TIPARP: variants seen among roughly 807,000 people sequenced by gnomAD.
TIPARP encodes TCDD inducible poly(ADP-ribose) polymerase.
In TIPARP, 12 loss-of-function variants were observed where a neutral mutation model predicts 56.5. The ratio of observed to expected loss-of-function variants is 0.21; its 90% CI spans 0.14 to 0.34. The LOEUF (loss-of-function observed/expected upper bound fraction) is 0.34. TIPARP is among the 10% of genes least tolerant of loss of function. TIPARP has a pLI of 1.00. For synonymous variants in TIPARP, 296 were observed against 265.7 expected (o/e 1.11, Z -1.11); for missense variants, 604 against 781.6 (o/e 0.77, Z 2.71).
intron 1 of TIPARP, among the ~76,000 whole-genome samples, chr3:156,676,478 C>A (rs938884089): frequency 6.6e-6 from 1 of 152,156 alleles, no homozygotes; most frequent in African/African-American, 2.4e-5. Context: ...AAGAACTAAG[C>A]ATTTAATATG....
chr3:156,679,860 A>G (rs1161708739), intron 2 of TIPARP, among the ~76,000 whole-genome samples: 1 of 152,198 alleles, frequency 6.6e-6, no homozygotes, highest in Non-Finnish European at 1.5e-5. Context: ...GGTAGTCTTC[A>G]TGTCAACCTT....
At chr3:156,682,917 T>G (rs1260992676) in intron 2 of TIPARP, among the ~76,000 whole-genome samples, 1 of 152,358 alleles carries the variant, frequency 6.6e-6, no homozygotes, top group East Asian at 1.9e-4. Context: ...AATTATTTTT[T>G]GTACTTCTTT....
intron 2 of TIPARP, among the ~76,000 whole-genome samples, chr3:156,686,850 T>C (rs867857220): frequency 1.3e-5 from 2 of 152,168 alleles, no homozygotes; most frequent in African/African-American, 4.8e-5. Context: ...CATTTACATA[T>C]AGTATTATAT....
chr3:156,679,034 A>T (rs1248360294), intron 2 of TIPARP, among the ~76,000 whole-genome samples: 4 of 152,186 alleles, frequency 2.6e-5, no homozygotes, highest in Admixed American at 6.5e-5. Flanking sequence ...GAAAAATAGT[A>T]TTGTCGAGAG....
rs201159091 is a variant in TIPARP at position 156,695,898 on chromosome 3, C to T, written c.1120C>T (p.Arg374Trp). The T allele has an allele frequency of 7.6e-6, 12 of 1,582,176 alleles. No individual in the cohort carries two copies. The highest frequency in any genetic ancestry group is 5.3e-5 in the Admixed American group (3 of 56,582). ...VIRLIEEANS[R>W]GLKEVRFMMW... ...TCGATTGATTGAAGAAGCCAACTCT[C>T]GGGGTCTGAAAGAGGTTCGATTTAT... Residue 374 changes from arginine (R) to tryptophan (W), a missense_variant, in exon 4 of 6, where the codon CGG (arginine) becomes TGG (tryptophan). This residue lies in a region of TIPARP where 252 missense variants were observed against 303.9 expected (regional missense o/e 0.83). Transcript: ENST00000295924.
At chr3:156,700,645 TCAGTG>T (rs1722824592) in intron 4 of TIPARP, among the ~76,000 whole-genome samples, 1 of 152,214 alleles carries the variant, frequency 6.6e-6, no homozygotes, top group Non-Finnish European at 1.5e-5. Flanking sequence ...GTTTGGTGGT[TCAGTG>T]CTTTCAGCTG....
At chr3:156,690,176 CA>C (rs1218219852) in intron 2 of TIPARP, among the ~76,000 whole-genome samples, 5 of 152,072 alleles carry the variant, frequency 3.3e-5, no homozygotes, top group African/African-American at 9.7e-5. Flanking sequence ...TGTATAAACC[CA>C]AGAGCTATTT....
At chr3:156,696,152 T>C (rs949968302) in intron 4 of TIPARP, 127 bp downstream of exon 4, 14 of 979,072 alleles carry the variant, frequency 1.4e-5, no homozygotes, top group South Asian at 6.9e-5. Flanking sequence ...AATTCCAAAT[T>C]AGTCTTTGGA....
intron 2 of TIPARP, among the ~76,000 whole-genome samples, chr3:156,691,597 T>A (rs891398773): frequency 1.1e-4 from 16 of 152,146 alleles, no homozygotes; most frequent in African/African-American, 3.6e-4. Flanking sequence ...TAAAGAAGAA[T>A]GTGGTGGCTG....
chr3:156,678,681 C>G, intron 2 of TIPARP, 67 bp downstream of exon 2: 1 of 1,422,522 alleles, frequency 7.0e-7, no homozygotes, highest in Non-Finnish European at 9.5e-7. Context: ...AAGCTAAAAG[C>G]TTAGTAGGGT....
chr3:156,706,552 A>G lies in TIPARP; in HGVS notation c.*1421A>G, dbSNP rs939960019. On this transcript the variant is annotated 3_prime_UTR_variant, in exon 6 of 6. Coordinates refer to ENST00000295924, the MANE Select transcript of TIPARP (RefSeq NM_015508.5). ...AATCCTGTTGTTTGCTGCCATTGGC[A>G]TGAAATGGCCAACTGTGGCTGTTAC... The G allele has an allele frequency of 6.6e-6, 1 of 152,644 alleles. No individual in the cohort carries two copies. The highest frequency in any genetic ancestry group is 6.5e-5 in the Admixed American group (1 of 15,280). 9.5% of individuals were successfully genotyped at this position (152,644 alleles called of 1,614,324 possible). A position where few individuals can be genotyped will look rare whatever the true frequency, so the allele number is the denominator to read the frequency against.
chr3:156,692,691 T>C (rs749891661), intron 2 of TIPARP, among the ~76,000 whole-genome samples: 1 of 152,160 alleles, frequency 6.6e-6, no homozygotes. Context: ...ATTCATAAAT[T>C]GTGAACATTG....
chr3:156,698,823 C>G lies in TIPARP; in HGVS notation c.1247+2798C>G, dbSNP rs143580022. Among the ~76,000 whole-genome samples, 209 of 152,262 alleles carry G rather than the reference C, an allele frequency of 1.4e-3. 1 individual carries two copies. The highest frequency in any genetic ancestry group is 4.8e-3 in the African/African-American group (200 of 41,548). ...ATACATAGTGGTTCCTTTAATGGAT[C>G]TGGGCAAAGTAAATTGGAAAACTTT... On this transcript the variant is annotated intron_variant, in intron 4 of 5. Transcript: ENST00000295924.
intron 1 of TIPARP, chr3:156,675,495 A>G (rs898007411): frequency 3.3e-5 from 5 of 152,466 alleles, no homozygotes; most frequent in African/African-American, 1.2e-4. Flanking sequence ...GAGGCTGGAC[A>G]GGAGTTGGGG....
Position 156,703,631 on chromosome 3 carries a change from G to A in TIPARP, c.1455G>A (p.Val485=). 1 of 1,614,138 alleles carries A rather than the reference G, an allele frequency of 6.2e-7. No homozygotes were observed. The highest frequency in any genetic ancestry group is 8.5e-7 in the Non-Finnish European group (1 of 1,180,020). The change falls in exon 5 of 6, where the codon GTG becomes GTA. Residue 485 remains valine, a synonymous_variant. Transcript: ENST00000295924. Reference sequence around the variant, plus strand: ...TTTACAATCTTTTTCATAAGACTGTGCCTGAGTTTAAATACAGAATTTTGC... The same window carrying A: ...TTTACAATCTTTTTCATAAGACTGTACCTGAGTTTAAATACAGAATTTTGC... ...RIIYNLFHKT[V]PEFKYRILQI... is the part of the protein sequence containing the mutation.
intron 1 of TIPARP, among the ~76,000 whole-genome samples, chr3:156,675,976 G>A (rs1722114718): frequency 6.6e-6 from 1 of 152,130 alleles, no homozygotes; most frequent in Admixed American, 6.5e-5. Context: ...AGGAAAAGTT[G>A]CGCGCGCGCG....
intron 3 of TIPARP, among the ~76,000 whole-genome samples, chr3:156,695,102 T>A (rs759117144): frequency 6.6e-6 from 1 of 152,190 alleles, no homozygotes; most frequent in Non-Finnish European, 1.5e-5. Flanking sequence ...CAAGGCTGTT[T>A]AAAATGTACT....
At chr3:156,694,278 A>C in intron 3 of TIPARP, 90 bp downstream of exon 3, 1 of 1,210,972 alleles carries the variant, frequency 8.3e-7, no homozygotes, top group Non-Finnish European at 1.1e-6. Flanking sequence ...AACAATGACT[A>C]GGCAGAACTA....
rs1250801614 is a variant in TIPARP at position 156,705,269 on chromosome 3, A to G, written c.*138A>G. ...TCAGACCCATTTTTTAAAGTGCTAG[A>G]AAATGCTTTTTTTAAAAAAAAAATA... On this transcript the variant is annotated 3_prime_UTR_variant, in exon 6 of 6. Transcript: ENST00000295924. The G allele has an allele frequency of 9.9e-6, 6 of 609,124 alleles. No homozygotes were observed. Among genetic ancestry groups the G allele is most frequent in the Non-Finnish European group, 1.6e-5 (6 of 367,728 alleles). The allele number at this position is 609,124 out of a possible 1,614,324, so 37.7% of individuals were successfully genotyped here. A position where few individuals can be genotyped will look rare whatever the true frequency, so the allele number is the denominator to read the frequency against.
Sources: gnomAD v4.1 joint callset for allele counts (sites outside exome capture counted in the v4.1 genomes callset) on GRCh38, gnomAD v4.1.1 for gene constraint, gnomAD v4.1.1 regional missense constraint, MANE v1.5 for transcripts, NCBI Gene and HGNC (gene_info 2026-07-23, HGNC 2026-07-21) for gene names.